ZFYVE16: variants seen among roughly 807,000 people sequenced by gnomAD.
The protein encoded by ZFYVE16 is zinc finger FYVE domain-containing protein 16.
Under a neutral mutation model 138.1 loss-of-function variants are expected in ZFYVE16, and 89 were observed. That is an observed-to-expected ratio of 0.64 (90% CI 0.54 to 0.77). The LOEUF (loss-of-function observed/expected upper bound fraction) is 0.77. ZFYVE16 is among the 30% of genes least tolerant of loss of function. ZFYVE16 has a pLI of 0.00. For missense variants in ZFYVE16, 1,793 were observed against 1,786.7 expected (o/e 1.00, Z -0.06); for synonymous variants, 596 against 618.3 (o/e 0.96, Z 0.53).
intron 11 of ZFYVE16, chr5:80,455,130 A>T (rs1752389766): frequency 6.6e-6 from 1 of 152,242 alleles, no homozygotes; most frequent in Non-Finnish European, 1.5e-5. Flanking sequence ...TCATTTATGA[A>T]ATAGTATAGA....
At chr5:80,420,323 C>A (rs1448190421) in intron 1 of ZFYVE16, among the ~76,000 whole-genome samples, 1 of 151,864 alleles carries the variant, frequency 6.6e-6, no homozygotes, top group East Asian at 1.9e-4. Flanking sequence ...ACTTTAAGTT[C>A]TAGGGTACAT....
chr5:80,428,548 C>T (rs1182237476), intron 2 of ZFYVE16, among the ~76,000 whole-genome samples: 1 of 152,218 alleles, frequency 6.6e-6, no homozygotes, highest in African/African-American at 2.4e-5. Context: ...AATCAGAGTG[C>T]TTCTCCTCCC....
intron 1 of ZFYVE16, among the ~76,000 whole-genome samples, chr5:80,408,493 G>A (rs1284000646): frequency 1.3e-5 from 2 of 152,242 alleles, no homozygotes; most frequent in Non-Finnish European, 2.9e-5. Flanking sequence ...AGGGAGAAGC[G>A]CCCTGGCGCC....
At chr5:80,467,650 A>C (rs1289517554) in intron 15 of ZFYVE16, among the ~76,000 whole-genome samples, 1 of 152,214 alleles carries the variant, frequency 6.6e-6, no homozygotes, top group Non-Finnish European at 1.5e-5. Flanking sequence ...AAGAAGACAA[A>C]ATCTGATTTC....
intron 15 of ZFYVE16, among the ~76,000 whole-genome samples, chr5:80,471,170 C>T (rs964248866): frequency 9.2e-5 from 14 of 152,080 alleles, no homozygotes; most frequent in African/African-American, 3.4e-4. Context: ...GGGCTATAAA[C>T]GTCCTAATCT....
chr5:80,440,127 G>A, intron 5 of ZFYVE16, 95 bp downstream of exon 5: 1 of 1,429,264 alleles, frequency 7.0e-7, no homozygotes, highest in Non-Finnish European at 9.2e-7. Context: ...TTTTCTTAAG[G>A]CAAGGACCTA....
chr5:80,440,159 G>A, intron 5 of ZFYVE16, 127 bp downstream of exon 5: 1 of 1,319,386 alleles, frequency 7.6e-7, no homozygotes, highest in South Asian at 2.2e-5. Context: ...TCTGGCTTAG[G>A]TGGGACATCC....
intron 1 of ZFYVE16, among the ~76,000 whole-genome samples, chr5:80,426,331 T>G (rs1441233778): frequency 6.6e-6 from 1 of 151,518 alleles, no homozygotes; most frequent in Non-Finnish European, 1.5e-5. Context: ...GTGCAGGATG[T>G]GCAGGTTTGT....
intron 10 of ZFYVE16, among the ~76,000 whole-genome samples, chr5:80,451,158 G>C (rs1561301963): frequency 6.6e-6 from 1 of 152,072 alleles, no homozygotes; most frequent in Non-Finnish European, 1.5e-5. Flanking sequence ...CTTACTGTCT[G>C]TACAAGACTA....
intron 11 of ZFYVE16, among the ~76,000 whole-genome samples, chr5:80,452,860 A>G (rs1415350820): frequency 6.6e-6 from 1 of 152,196 alleles, no homozygotes; most frequent in Non-Finnish European, 1.5e-5. Flanking sequence ...CCTTGACACA[A>G]CTGGTGATTC....
At chr5:80,435,188 C>T (rs1749705273) in intron 3 of ZFYVE16, among the ~76,000 whole-genome samples, 1 of 152,196 alleles carries the variant, frequency 6.6e-6, no homozygotes, top group South Asian at 2.1e-4. Context: ...GTGCCCACCA[C>T]CATGCCCAGC....
chr5:80,448,880 T>C (rs1392748591), intron 8 of ZFYVE16, among the ~76,000 whole-genome samples: 3 of 152,068 alleles, frequency 2.0e-5, no homozygotes, highest in African/African-American at 7.2e-5. Context: ...TAAGGTCCTT[T>C]TCAAGCAGGA....
intron 11 of ZFYVE16, chr5:80,452,206 G>A (rs139522157): frequency 0.025 from 3,809 of 153,196 alleles, 159 homozygotes; most frequent in Admixed American, 0.12. Flanking sequence ...AGGCCAAGGC[G>A]GGCAGATCAC....
At position 80,440,361 on chromosome 5, in the gene ZFYVE16, C is replaced by G. The variant is rs571460251; in HGVS notation, c.2419+329C>G. 7.6e-5 allele frequency: 77 copies of G among 1,011,014 alleles called. No homozygotes were observed. The African/African-American group carries it at 1.3e-3, about 17-fold the overall frequency. The allele number at this position is 1,011,014 out of a possible 1,614,324, so 62.6% of individuals were successfully genotyped here. A position where few individuals can be genotyped will look rare whatever the true frequency, so the allele number is the denominator to read the frequency against. On this transcript the variant is annotated intron_variant, in intron 5 of 18. Coordinates refer to ENST00000505560, the MANE Select transcript of ZFYVE16 (RefSeq NM_001284236.3). ...TGTTAATCATCTTAATCTAAATAAA[C>G]ACTTACAGATACCTACCAATAGTAG... is the stretch of plus-strand genomic sequence containing the variant.
rs1750664194 is a variant in ZFYVE16 at position 80,441,155 on chromosome 5, C to T, written c.2419+1123C>T. 5.1e-6 allele frequency: 5 copies of T among 985,366 alleles called. No homozygotes were observed. The South Asian group carries it at 1.9e-4, about 37-fold the overall frequency. 61.0% of individuals were successfully genotyped at this position (985,366 alleles called of 1,614,324 possible). ...TTAGCCAAGGCAATCTGCTAGAATT[C>T]AGAAATTTTAGAGCAAGCTCCCATA... On this transcript the variant is annotated intron_variant, in intron 5 of 18. Coordinates refer to ENST00000505560, the MANE Select transcript of ZFYVE16 (RefSeq NM_001284236.3).
At chr5:80,407,623 G>A (rs1429604816), upstream of ZFYVE16, among the ~76,000 whole-genome samples, 2 of 152,178 alleles carry the variant, frequency 1.3e-5, no homozygotes, top group African/African-American at 4.8e-5. Flanking sequence ...TTTTCCGAGG[G>A]GCCAGCAGCG....
chr5:80,435,498 A>C (rs944616206), intron 3 of ZFYVE16, among the ~76,000 whole-genome samples: 4 of 152,196 alleles, frequency 2.6e-5, no homozygotes, highest in Admixed American at 2.6e-4. Context: ...AGACTAGGAA[A>C]CTGGAAGTCA....
At chr5:80,419,356 C>G (rs904302713) in intron 1 of ZFYVE16, among the ~76,000 whole-genome samples, 1 of 152,220 alleles carries the variant, frequency 6.6e-6, no homozygotes, top group East Asian at 1.9e-4. Context: ...GGATTATAGG[C>G]GTGAGCCAAC....
At chr5:80,472,086 A>G (rs769859517) in intron 15 of ZFYVE16, among the ~76,000 whole-genome samples, 3 of 151,988 alleles carry the variant, frequency 2.0e-5, no homozygotes, top group Non-Finnish European at 2.9e-5. Flanking sequence ...ACACTGTGCT[A>G]TGTTTAAGCC....
Sources: allele counts gnomAD v4.1 joint callset (sites outside exome capture counted in the v4.1 genomes callset), GRCh38; gene constraint gnomAD v4.1.1; transcripts MANE v1.5; gene names NCBI Gene and HGNC (gene_info 2026-07-23, HGNC 2026-07-21).